LOC400499: variants seen among roughly 807,000 people sequenced by gnomAD.
the LOC400499 span, chr16:11,385,408 G>C: frequency 8.1e-7 from 1 of 1,232,154 alleles, no homozygotes; most frequent in African/African-American, 1.6e-5. Context: ...CCAGCCACCA[G>C]GGCATGGTCT....
the LOC400499 span, among the ~76,000 whole-genome samples, chr16:11,382,927 G>C: frequency 7.1e-6 from 1 of 140,286 alleles, no homozygotes; most frequent in Non-Finnish European, 1.6e-5. Flanking sequence ...ACCTGAGGCT[G>C]GGTAGTTCAT....
At chr16:11,466,678 C>CG in the LOC400499 span, among the ~76,000 whole-genome samples, 1 of 151,820 alleles carries the variant, frequency 6.6e-6, no homozygotes, top group Non-Finnish European at 1.5e-5. Flanking sequence ...CGTGAGCCAC[C>CG]GCACCTGGCC....
the LOC400499 span, chr16:11,407,352 A>C: frequency 5.0e-6 from 2 of 398,686 alleles, no homozygotes; most frequent in Non-Finnish European, 8.9e-6. Flanking sequence ...GTCAGAAAAA[A>C]AAAAAACCAC....
At chr16:11,475,914 G>A in the LOC400499 span, among the ~76,000 whole-genome samples, 1 of 152,114 alleles carries the variant, frequency 6.6e-6, no homozygotes, top group African/African-American at 2.4e-5. Flanking sequence ...AGTGACAAGT[G>A]CTGTGAGAAA....
chr16:11,455,801 G>C, the LOC400499 span, among the ~76,000 whole-genome samples: 1 of 150,756 alleles, frequency 6.6e-6, no homozygotes, highest in Non-Finnish European at 1.5e-5. Flanking sequence ...GTGACAAAGA[G>C]GATGTATAAA....
chr16:11,512,355 T>A, the LOC400499 span, among the ~76,000 whole-genome samples: 4 of 152,032 alleles, frequency 2.6e-5, no homozygotes, highest in Middle Eastern at 3.2e-3. Flanking sequence ...TCCCAGCACT[T>A]TGGGAGGCCG....
At chr16:11,447,927 C>T in the LOC400499 span, 1 of 1,533,876 alleles carries the variant, frequency 6.5e-7, no homozygotes, top group Non-Finnish European at 8.7e-7. Flanking sequence ...AGAAGGGGCG[C>T]ACATACCTAA....
chr16:11,494,649 C>T, the LOC400499 span: 4 of 399,266 alleles, frequency 1.0e-5, no homozygotes, highest in African/African-American at 2.1e-5. Flanking sequence ...ACTAGGGAGC[C>T]GACTCCAGGC....
the LOC400499 span, chr16:11,460,368 G>A: frequency 2.3e-6 from 3 of 1,287,402 alleles, no homozygotes; most frequent in African/African-American, 4.5e-5. Context: ...ATATGGCTAT[G>A]TGATTGTGAG....
chr16:11,495,506 A>G, the LOC400499 span, among the ~76,000 whole-genome samples: 1 of 150,444 alleles, frequency 6.6e-6, no homozygotes, highest in Non-Finnish European at 1.5e-5. Flanking sequence ...TCAGCCTCCC[A>G]CGTAGCTGAG....
At chr16:11,491,126 G>A in the LOC400499 span, among the ~76,000 whole-genome samples, 1 of 152,306 alleles carries the variant, frequency 6.6e-6, no homozygotes, top group South Asian at 2.1e-4. Context: ...GCTCACAAAG[G>A]TTTACTTACT....
At chr16:11,395,817 G>A in the LOC400499 span, among the ~76,000 whole-genome samples, 157 of 152,278 alleles carry the variant, frequency 1.0e-3, 1 homozygote, top group Non-Finnish European at 1.9e-3. Context: ...GCTACGTCAC[G>A]TGCCTTGGCT....
At chr16:11,426,772 A>T in the LOC400499 span, among the ~76,000 whole-genome samples, 1 of 151,278 alleles carries the variant, frequency 6.6e-6, no homozygotes, top group Non-Finnish European at 1.5e-5. Flanking sequence ...CTAAAAAAAA[A>T]ATTATCTGGG....
At chr16:11,399,738 G>A in the LOC400499 span, 3 of 398,914 alleles carry the variant, frequency 7.5e-6, no homozygotes, top group South Asian at 2.5e-4. Context: ...CGTCCCAGGC[G>A]GTGCTGTGTG....
At chr16:11,416,721 G>T in the LOC400499 span, among the ~76,000 whole-genome samples, 1 of 152,180 alleles carries the variant, frequency 6.6e-6, no homozygotes, top group South Asian at 2.1e-4. Flanking sequence ...AGATGCCATT[G>T]GAAAAATACC....
chr16:11,405,002 C>T, the LOC400499 span: 2 of 396,512 alleles, frequency 5.0e-6, no homozygotes, highest in Non-Finnish European at 8.9e-6. Context: ...TGACATATGT[C>T]AGGGGATCAA....
chr16:11,385,368 C>G, the LOC400499 span: 1 of 1,232,286 alleles, frequency 8.1e-7, no homozygotes, highest in Non-Finnish European at 1.0e-6. Context: ...GTCCCATACC[C>G]GGCCGTCGAA....
the LOC400499 span, among the ~76,000 whole-genome samples, chr16:11,389,203 C>T: frequency 6.6e-6 from 1 of 152,320 alleles, no homozygotes; most frequent in East Asian, 1.9e-4. Context: ...CTACCTTCTC[C>T]TCAAAGCCAG....
the LOC400499 span, among the ~76,000 whole-genome samples, chr16:11,410,022 T>G: frequency 1.3e-5 from 2 of 152,186 alleles, no homozygotes; most frequent in African/African-American, 2.4e-5. Flanking sequence ...GTACCACCTG[T>G]AGTCCCAGCT....
Sources: gnomAD v4.1 joint callset for allele counts (sites outside exome capture counted in the v4.1 genomes callset) on GRCh38, gnomAD v4.1.1 for gene constraint, MANE v1.5 for transcripts.